The following EPHA6 variants were observed in gnomAD, a reference collection of about 807,000 sequenced individuals.
The protein encoded by EPHA6 is EPH receptor A6.
A neutral mutation model predicts 112.0 loss-of-function variants in EPHA6; 50 were observed. The observed-to-expected ratio is 0.45, with a 90% confidence interval of 0.36 to 0.56. EPHA6 has a LOEUF of 0.56. Ranked by LOEUF, EPHA6 falls within the 20% of genes least tolerant of loss-of-function variation. EPHA6 has a pLI of 0.00. For synonymous variants in EPHA6, 529 were observed against 490.7 expected (o/e 1.08, Z -1.03); for missense variants, 1,280 against 1,417.4 (o/e 0.90, Z 1.56).
chr3:96,828,315 G>A (rs1003523919), intron 1 of EPHA6, among the ~76,000 whole-genome samples: 16 of 152,128 alleles, frequency 1.1e-4, no homozygotes, highest in African/African-American at 3.1e-4. Context: ...AGGAGATAAC[G>A]TGGACCTATC....
chr3:96,872,517 T>A (rs917740652), intron 2 of EPHA6, among the ~76,000 whole-genome samples: 2 of 152,142 alleles, frequency 1.3e-5, no homozygotes, highest in Non-Finnish European at 2.9e-5. Flanking sequence ...GCAAGGTAAG[T>A]CTGCTGGCAA....
chr3:97,385,553 C>T (rs1015073887), intron 5 of EPHA6, among the ~76,000 whole-genome samples: 1 of 152,192 alleles, frequency 6.6e-6, no homozygotes, highest in Non-Finnish European at 1.5e-5. Flanking sequence ...AGCTTTGCTT[C>T]TTAAATTGTG....
intron 1 of EPHA6, among the ~76,000 whole-genome samples, chr3:96,855,789 G>C (rs1015679221): frequency 6.6e-6 from 1 of 151,792 alleles, no homozygotes; most frequent in Non-Finnish European, 1.5e-5. Context: ...AGCAACTGAA[G>C]TAGAATAAAA....
intron 5 of EPHA6, among the ~76,000 whole-genome samples, chr3:97,276,898 G>A (rs1250966920): frequency 2.0e-5 from 3 of 152,174 alleles, no homozygotes; most frequent in Non-Finnish European, 4.4e-5. Context: ...ACCAATTGCT[G>A]GGCAGGTGGG....
chr3:97,450,357 T>G (rs907991042), intron 7 of EPHA6, among the ~76,000 whole-genome samples: 1 of 152,104 alleles, frequency 6.6e-6, no homozygotes, highest in Non-Finnish European at 1.5e-5. Context: ...TTTCACAGCC[T>G]GGAAAAGTTA....
At chr3:97,653,209 A>C (rs2094118201) in intron 14 of EPHA6, among the ~76,000 whole-genome samples, 2 of 152,042 alleles carry the variant, frequency 1.3e-5, no homozygotes, top group Non-Finnish European at 2.9e-5. Context: ...AACAATCAAC[A>C]AAATGAAAAA....
chr3:97,190,226 A>G (rs571842200), intron 3 of EPHA6, among the ~76,000 whole-genome samples: 3 of 152,108 alleles, frequency 2.0e-5, no homozygotes, highest in Non-Finnish European at 4.4e-5. Flanking sequence ...CACTGTTACC[A>G]CTTCAAAATT....
At chr3:97,241,690 A>T (rs1018053279) in intron 4 of EPHA6, among the ~76,000 whole-genome samples, 1 of 151,450 alleles carries the variant, frequency 6.6e-6, no homozygotes, top group Non-Finnish European at 1.5e-5. Context: ...AGCAATTAAA[A>T]AGCTATTTAA....
intron 2 of EPHA6, among the ~76,000 whole-genome samples, chr3:96,972,285 ATC>A (rs2042344104): frequency 6.6e-6 from 1 of 152,092 alleles, no homozygotes; most frequent in Non-Finnish European, 1.5e-5. Flanking sequence ...TATAACTGGG[ATC>A]TGTTAGAAAT....
At chr3:97,548,337 G>A (rs548367446) in intron 11 of EPHA6, among the ~76,000 whole-genome samples, 54 of 152,258 alleles carry the variant, frequency 3.5e-4, no homozygotes, top group Middle Eastern at 3.4e-3. Context: ...TGCTTTATTC[G>A]TGAGGATGTT....
At chr3:97,521,652 AT>A (rs2092545134) in intron 10 of EPHA6, among the ~76,000 whole-genome samples, 1 of 152,056 alleles carries the variant, frequency 6.6e-6, no homozygotes, top group Non-Finnish European at 1.5e-5. Context: ...ACACATGGGG[AT>A]TATGGGAACT....
chr3:97,427,276 T>G (rs2089200909), intron 6 of EPHA6, among the ~76,000 whole-genome samples: 1 of 152,080 alleles, frequency 6.6e-6, no homozygotes, highest in Non-Finnish European at 1.5e-5. Context: ...AACAGCAAAG[T>G]CATAGAATCA....
rs138777828 is a variant in EPHA6 at position 97,592,896 on chromosome 3, A to G, written c.2512+159A>G. On this transcript the variant is annotated intron_variant, in intron 12 of 17. Coordinates refer to ENST00000389672, the MANE Select transcript of EPHA6 (RefSeq NM_001080448.3). ...TCAGAAACCATATTTATAATACTGA[A>G]TGCTGTCAAAATGGCACAAAGGAAG... Among the ~76,000 whole-genome samples, 1,306 of 152,328 alleles carry G rather than the reference A, an allele frequency of 8.6e-3. 9 individuals are homozygous for G. Among genetic ancestry groups the G allele is most frequent in the African/African-American group, 0.028 (1,152 of 41,572 alleles).
At chr3:97,695,335 G>T (rs1385897029) in intron 14 of EPHA6, among the ~76,000 whole-genome samples, 1 of 152,192 alleles carries the variant, frequency 6.6e-6, no homozygotes, top group Non-Finnish European at 1.5e-5. Flanking sequence ...GAGTCCATGA[G>T]GTGAGGTTGT....
At chr3:97,283,353 T>G (rs1385791161) in intron 5 of EPHA6, among the ~76,000 whole-genome samples, 1 of 152,190 alleles carries the variant, frequency 6.6e-6, no homozygotes, top group African/African-American at 2.4e-5. Context: ...TCTCAAAAAT[T>G]ATGAGATTCA....
chr3:97,151,746 A>G (rs2076176154), intron 3 of EPHA6, among the ~76,000 whole-genome samples: 1 of 152,130 alleles, frequency 6.6e-6, no homozygotes. Context: ...TTGAAAATTT[A>G]ATGTGAAAAA....
chr3:97,481,416 G>A (rs1369509820), intron 9 of EPHA6: 21 of 1,429,058 alleles, frequency 1.5e-5, no homozygotes, highest in South Asian at 1.3e-4. Context: ...TTATCTGTTC[G>A]CCTTTCTCCA....
chr3:97,731,040 C>T lies in EPHA6; in HGVS notation c.2935-4885C>T, dbSNP rs180860820. 2.4e-4 allele frequency among the ~76,000 whole-genome samples: 37 copies of T among 152,070 alleles called. No homozygotes were observed. In the East Asian group the frequency reaches 7.0e-3, roughly 29 times the overall value. On this transcript the variant is annotated intron_variant, in intron 15 of 17. Transcript: ENST00000389672. ...TTCAGTAGGATTGCTTTCATTGTATCGTGGGGGATGATTGGTGGAGGAAAA... is the reference window on the plus strand; with the variant it reads ...TTCAGTAGGATTGCTTTCATTGTATTGTGGGGGATGATTGGTGGAGGAAAA...
chr3:97,115,251 G>A (rs1349788000), intron 3 of EPHA6, among the ~76,000 whole-genome samples: 2 of 151,750 alleles, frequency 1.3e-5, no homozygotes, highest in African/African-American at 2.4e-5. Flanking sequence ...ATATTACGTA[G>A]AACAGATGAT....
Sources: allele counts gnomAD v4.1 joint callset (sites outside exome capture counted in the v4.1 genomes callset), GRCh38; gene constraint gnomAD v4.1.1; transcripts MANE v1.5; gene names NCBI Gene and HGNC (gene_info 2026-07-23, HGNC 2026-07-21).